CEMIP2: variants seen among roughly 807,000 people sequenced by gnomAD.
CEMIP2 encodes cell surface hyaluronidase CEMIP2.
A neutral mutation model predicts 146.9 loss-of-function variants in CEMIP2; 79 were observed. That is an observed-to-expected ratio of 0.54 (90% CI 0.45 to 0.65). The LOEUF is 0.65. Among genes scored for constraint, CEMIP2 ranks in the 30% least tolerant of loss-of-function variants. The probability of loss-of-function intolerance (pLI) is 0.00; values close to 1 mark genes in which losing one functional copy is unlikely to be tolerated. For synonymous variants in CEMIP2, 601 were observed against 606.3 expected, an observed-to-expected ratio of 0.99 and a Z score of 0.13; for missense variants, 1,596 against 1,696.2, an observed-to-expected ratio of 0.94 and a Z score of 1.04.
At chr9:71,707,668 C>T (rs1822789575) in intron 17 of CEMIP2, among the ~76,000 whole-genome samples, 1 of 152,132 alleles carries the variant, frequency 6.6e-6, no homozygotes, top group South Asian at 2.1e-4. Flanking sequence ...CTTTGACCGG[C>T]AAAGTGAGCA....
rs766005010 is a variant in CEMIP2, at chr9:71,704,799, T to C, written c.2990A>G (p.Tyr997Cys). ...ATTCTGAGTGCTCCATGTCTGTACATAGACCTTGAAAAAATAATCAAGAAG... is the reference window on the plus strand; with the variant it reads ...ATTCTGAGTGCTCCATGTCTGTACACAGACCTTGAAAAAATAATCAAGAAG... ...VICSGTYAQV[Y>C]VQTWSTQNLS... Residue 997 changes from tyrosine to cysteine, a missense_variant, in exon 18 of 24, where the codon TAT becomes TGT. Physicochemically the swap from Tyr to Cys is radical, Grantham distance 194. Transcript: ENST00000377044. 5.0e-6 allele frequency: 8 copies of C among 1,612,720 alleles called. No homozygotes were observed. The highest frequency in any genetic ancestry group is 6.8e-6 in the Non-Finnish European group (8 of 1,179,036).
intron 2 of CEMIP2, among the ~76,000 whole-genome samples, chr9:71,749,257 C>G (rs949816645): frequency 1.3e-5 from 2 of 152,104 alleles, no homozygotes; most frequent in African/African-American, 2.4e-5. Context: ...TGCTTCCCTT[C>G]CAGGATATAT....
intron 21 of CEMIP2, among the ~76,000 whole-genome samples, chr9:71,692,843 G>A (rs1047858052): frequency 3.3e-5 from 5 of 152,138 alleles, no homozygotes; most frequent in Middle Eastern, 6.8e-3. Context: ...TGGAGGGTGC[G>A]GTGAGCCGAG....
chr9:71,751,602 A>T (rs1032365791), intron 1 of CEMIP2, among the ~76,000 whole-genome samples: 1 of 152,314 alleles, frequency 6.6e-6, no homozygotes, highest in Admixed American at 6.5e-5. Flanking sequence ...AAAAACCTAG[A>T]TTCCTGGCCT....
intron 1 of CEMIP2, among the ~76,000 whole-genome samples, chr9:71,764,921 T>A (rs75515026): frequency 2.8e-5 from 4 of 141,638 alleles, no homozygotes; most frequent in Non-Finnish European, 6.0e-5. Context: ...TTTTCTTCCT[T>A]TTTTTTTTTT....
At chr9:71,686,461 A>G (rs1339424932) in intron 22 of CEMIP2, 2 of 152,880 alleles carry the variant, frequency 1.3e-5, no homozygotes, top group Admixed American at 6.5e-5. Context: ...ATATATTGCA[A>G]TGTAATAATA....
intron 18 of CEMIP2, among the ~76,000 whole-genome samples, chr9:71,702,248 A>G (rs1243155653): frequency 1.4e-5 from 2 of 137,950 alleles, no homozygotes; most frequent in African/African-American, 5.5e-5. Context: ...ACAGAGCAAG[A>G]TGTTGTCTCA....
At chr9:71,698,888 A>T (rs1822474389) in intron 19 of CEMIP2, among the ~76,000 whole-genome samples, 1 of 152,168 alleles carries the variant, frequency 6.6e-6, no homozygotes, top group African/African-American at 2.4e-5. Flanking sequence ...GGAAGTCAAG[A>T]TTCTAAAAAA....
At position 71,683,574 on chromosome 9, in the gene CEMIP2, A is replaced by T. The variant is rs1821967213; in HGVS notation, c.*1623T>A. The T allele has an allele frequency of 7.9e-6, 1 of 126,400 alleles. No homozygotes were observed. Among genetic ancestry groups the T allele is most frequent in the Non-Finnish European group, 1.7e-5 (1 of 59,648 alleles). 7.8% of individuals were successfully genotyped at this position (126,400 alleles called of 1,614,324 possible). A position where few individuals can be genotyped will look rare whatever the true frequency, so the allele number is the denominator to read the frequency against. On this transcript the variant is annotated 3_prime_UTR_variant, in exon 24 of 24. Coordinates refer to ENST00000377044, the MANE Select transcript of CEMIP2 (RefSeq NM_013390.3). ...CACTCTAATGACCTTCAGGAACCATAATCCAATAATATATTTAATAGGTAA... is the reference window on the plus strand; with the variant it reads ...CACTCTAATGACCTTCAGGAACCATTATCCAATAATATATTTAATAGGTAA...
chr9:71,747,550 T>C (rs1235558049), intron 2 of CEMIP2, among the ~76,000 whole-genome samples: 2 of 152,158 alleles, frequency 1.3e-5, no homozygotes, highest in South Asian at 2.1e-4. Context: ...TGTTCAGAAT[T>C]CCAAGGTGGC....
chr9:71,717,885 A>C, intron 13 of CEMIP2, 63 bp downstream of exon 13: 1 of 1,478,580 alleles, frequency 6.8e-7, no homozygotes, highest in Non-Finnish European at 9.1e-7. Context: ...TACTGGCTTT[A>C]AAAAAAATCT....
intron 13 of CEMIP2, 133 bp from the exon 14 acceptor site, chr9:71,716,685 T>G (rs1054949789): frequency 3.2e-6 from 2 of 616,640 alleles, no homozygotes; most frequent in Non-Finnish European, 5.1e-6. Context: ...ACACAAAAAT[T>G]TGATTTCACA....
chr9:71,741,330 T>C (rs780225346), intron 4 of CEMIP2, among the ~76,000 whole-genome samples: 2 of 150,982 alleles, frequency 1.3e-5, no homozygotes, highest in African/African-American at 4.9e-5. Context: ...CCCGAGTAGC[T>C]GGGATTATAG....
rs748073493 is a variant in CEMIP2 at position 71,690,187 on chromosome 9, C to T, written c.3756G>A (p.Pro1252=). 3.1e-6 allele frequency: 5 copies of T among 1,613,996 alleles called. No homozygotes were observed. Among genetic ancestry groups the T allele is most frequent in the South Asian group, 2.2e-5 (2 of 91,090 alleles). Residue 1252 remains proline (P), a synonymous_variant, in exon 22 of 24, where the codon CCG becomes CCA. Transcript: ENST00000377044. ...CCGTCAAGCGGAATGGAACGCTGCA[C>T]GGATCCACAACAAGGAGGAGGACGC... is the stretch of plus-strand genomic sequence containing the variant. ...SAGVLLLVVD[P]CSVPFRLTEK...
intron 5 of CEMIP2, among the ~76,000 whole-genome samples, chr9:71,739,253 A>G (rs1823846095): frequency 6.7e-6 from 1 of 149,390 alleles, no homozygotes; most frequent in South Asian, 2.1e-4. Flanking sequence ...CTAGAATACC[A>G]GCTATTTGGG....
chr9:71,688,967 C>T (rs1822151493), intron 22 of CEMIP2, among the ~76,000 whole-genome samples: 1 of 152,128 alleles, frequency 6.6e-6, no homozygotes. Flanking sequence ...GATCAAGAAA[C>T]AGCATTACCA....
chr9:71,699,200 G>A (rs1447740337), intron 19 of CEMIP2: 1 of 191,794 alleles, frequency 5.2e-6, no homozygotes, highest in African/African-American at 2.3e-5. Context: ...CCTTCCAAAT[G>A]TGGATATTCT....
chr9:71,740,115 A>G lies in CEMIP2; in HGVS notation c.1152T>C (p.Tyr384=), dbSNP rs1438564060. 2 of 1,614,002 alleles carry G rather than the reference A, an allele frequency of 1.2e-6. No individual in the cohort carries two copies. The highest frequency in any genetic ancestry group is 2.7e-5 in the African/African-American group (2 of 74,934). The change falls in exon 5 of 24, where the codon TAT becomes TAC. Residue 384 remains tyrosine, a synonymous_variant. Coordinates refer to ENST00000377044, the MANE Select transcript of CEMIP2 (RefSeq NM_013390.3). The part of the protein sequence containing the change: ...GGKALAQREF[Y]TVDGQKFSVT... ...CAGAGAACTTCTGGCCATCCACAGT[A>G]TAAAATTCTCTTTGGGCAAGAGCCT...
chr9:71,762,271 A>C (rs1387957273), intron 1 of CEMIP2, among the ~76,000 whole-genome samples: 2 of 152,160 alleles, frequency 1.3e-5, no homozygotes, highest in Non-Finnish European at 2.9e-5. Flanking sequence ...CTAATGAACA[A>C]GTAATTACTC....
Sources: gnomAD v4.1 joint callset for allele counts (sites outside exome capture counted in the v4.1 genomes callset) on GRCh38, gnomAD v4.1.1 for gene constraint, MANE v1.5 for transcripts, NCBI Gene and HGNC (gene_info 2026-07-23, HGNC 2026-07-21) for gene names.